LPP: variants seen among roughly 807,000 people sequenced by gnomAD.
LPP encodes LIM domain containing preferred translocation partner in lipoma.
LPP carries 38 observed loss-of-function variants against 60.4 expected under a neutral mutation model. That is an observed-to-expected ratio of 0.63 (90% CI 0.49 to 0.83). The LOEUF (loss-of-function observed/expected upper bound fraction) is 0.83, where lower values mean the gene tolerates loss of function less well. Ranked by LOEUF, LPP falls within the 40% of genes least tolerant of loss-of-function variation. LPP has a pLI of 0.00. For missense variants in LPP, 902 were observed against 783.6 expected (o/e 1.15, Z -1.80); for synonymous variants, 328 against 290.8 (o/e 1.13, Z -1.30).
intron 7 of LPP, among the ~76,000 whole-genome samples, chr3:188,632,650 GACA>G (rs1416688597): frequency 6.6e-6 from 1 of 152,138 alleles, no homozygotes. Flanking sequence ...CTGTTTCTGT[GACA>G]ACATCTGAAA....
At chr3:188,491,987 C>T (rs1374152297) in intron 5 of LPP, among the ~76,000 whole-genome samples, 1 of 152,082 alleles carries the variant, frequency 6.6e-6, no homozygotes. Context: ...TACACATACC[C>T]ACCTACTCAC....
intron 9 of LPP, among the ~76,000 whole-genome samples, chr3:188,817,591 A>G (rs1333557160): frequency 6.6e-6 from 1 of 152,092 alleles, no homozygotes; most frequent in South Asian, 2.1e-4. Flanking sequence ...ACCTTCTTAC[A>G]TTTGACAAGC....
At chr3:188,154,646 C>A (rs930159555) in intron 1 of LPP, among the ~76,000 whole-genome samples, 1 of 152,178 alleles carries the variant, frequency 6.6e-6, no homozygotes, top group Non-Finnish European at 1.5e-5. Context: ...CAGCTGAGGC[C>A]CAGAGAGAAG....
At chr3:188,696,788 T>G (rs1863335692) in intron 7 of LPP, among the ~76,000 whole-genome samples, 1 of 152,200 alleles carries the variant, frequency 6.6e-6, no homozygotes, top group African/African-American at 2.4e-5. Flanking sequence ...TTTTGCTTTG[T>G]TCTTTTATTT....
At chr3:188,851,767 T>G (rs938994177) in intron 9 of LPP, among the ~76,000 whole-genome samples, 4 of 152,220 alleles carry the variant, frequency 2.6e-5, no homozygotes, top group Non-Finnish European at 5.9e-5. Context: ...ATATTGTCTA[T>G]GTGTCAATTA....
chr3:188,350,712 T>C (rs1348665066), intron 3 of LPP, among the ~76,000 whole-genome samples: 1 of 152,210 alleles, frequency 6.6e-6, no homozygotes, highest in Non-Finnish European at 1.5e-5. Flanking sequence ...CCTGCCTCTA[T>C]TTTATATTCT....
At chr3:188,436,591 T>C (rs1340887493) in intron 4 of LPP, among the ~76,000 whole-genome samples, 2 of 152,158 alleles carry the variant, frequency 1.3e-5, no homozygotes, top group African/African-American at 4.8e-5. Context: ...TACTGTTAAT[T>C]GCCTTGGGAG....
intron 8 of LPP, among the ~76,000 whole-genome samples, chr3:188,739,817 G>A: frequency 6.6e-6 from 1 of 151,992 alleles, no homozygotes; most frequent in East Asian, 1.9e-4. Context: ...CTAAAAGCCA[G>A]AGTTTGGAAA....
At chr3:188,170,192 G>A (rs570762486) in intron 1 of LPP, among the ~76,000 whole-genome samples, 3 of 152,174 alleles carry the variant, frequency 2.0e-5, no homozygotes, top group South Asian at 2.1e-4. Flanking sequence ...TTCCAACTGC[G>A]TGACTGCCCA....
In LPP at chr3:188,483,171, G is replaced by T. The variant is rs115173624; in HGVS notation, c.194-1421G>T. Among the ~76,000 whole-genome samples, 6 of 152,252 alleles carry T rather than the reference G, an allele frequency of 3.9e-5. No individual in the cohort carries two copies. In the South Asian group the frequency reaches 1.0e-3, roughly 26 times the overall value. ...TTGATTGCTTAGCAGTCTGAATTTG[G>T]CTTGGGGCTAGACCTGACAGTTCTT... is the stretch of plus-strand genomic sequence containing the variant. On this transcript the variant is annotated intron_variant, in intron 4 of 11. Transcript: ENST00000617246.
At chr3:188,824,553 G>A (rs1754871900) in intron 9 of LPP, among the ~76,000 whole-genome samples, 1 of 152,032 alleles carries the variant, frequency 6.6e-6, no homozygotes, top group Admixed American at 6.6e-5. Context: ...GGGAATTGCT[G>A]TTTGGGGATG....
intron 8 of LPP, among the ~76,000 whole-genome samples, chr3:188,741,007 G>C (rs1000011864): frequency 4.0e-5 from 6 of 151,854 alleles, no homozygotes; most frequent in Non-Finnish European, 8.8e-5. Flanking sequence ...CTTTCTGGAG[G>C]AGAAAATAAA....
chr3:188,492,181 T>C (rs1188310550), intron 5 of LPP, among the ~76,000 whole-genome samples: 1 of 152,160 alleles, frequency 6.6e-6, no homozygotes, highest in Non-Finnish European at 1.5e-5. Context: ...GCTCCTGAGT[T>C]TCTGTATAGG....
At chr3:188,230,219 G>A (rs1411756269) in intron 2 of LPP, among the ~76,000 whole-genome samples, 1 of 152,002 alleles carries the variant, frequency 6.6e-6, no homozygotes, top group Non-Finnish European at 1.5e-5. Context: ...CCGAGTAGCT[G>A]GGACTACAGG....
intron 6 of LPP, among the ~76,000 whole-genome samples, chr3:188,530,211 T>C (rs1436688416): frequency 1.3e-5 from 2 of 152,222 alleles, no homozygotes; most frequent in East Asian, 1.9e-4. Context: ...AGGGCTTTCA[T>C]TGTTAGAAAG....
intron 1 of LPP, among the ~76,000 whole-genome samples, chr3:188,156,073 T>G (rs73055669): frequency 0.014 from 2,064 of 152,220 alleles, 44 homozygotes; most frequent in African/African-American, 0.047. Context: ...TGCATTTAAT[T>G]TCTACAATGC....
At chr3:188,571,461 T>G (rs987468403) in intron 6 of LPP, among the ~76,000 whole-genome samples, 1 of 152,032 alleles carries the variant, frequency 6.6e-6, no homozygotes, top group Non-Finnish European at 1.5e-5. Flanking sequence ...TCTTTCTACT[T>G]GTTTCAAAAA....
At chr3:188,618,059 G>C (rs1197960697) in intron 7 of LPP, among the ~76,000 whole-genome samples, 4 of 152,124 alleles carry the variant, frequency 2.6e-5, no homozygotes, top group African/African-American at 9.7e-5. Flanking sequence ...GCTTTGAAAT[G>C]TTTTGCACAC....
intron 4 of LPP, among the ~76,000 whole-genome samples, chr3:188,428,401 G>A (rs1790023282): frequency 6.6e-6 from 1 of 152,000 alleles, no homozygotes; most frequent in Non-Finnish European, 1.5e-5. Context: ...TTTACTTTGG[G>A]ACTTGGAATC....
Sources: allele counts gnomAD v4.1 joint callset (sites outside exome capture counted in the v4.1 genomes callset), GRCh38; gene constraint gnomAD v4.1.1; transcripts MANE v1.5; gene names NCBI Gene and HGNC (gene_info 2026-07-23, HGNC 2026-07-21).